CDH13: variants seen among roughly 807,000 people sequenced by gnomAD.
CDH13 encodes the protein cadherin 13.
CDH13 carries 24 observed loss-of-function variants against 63.8 expected under a neutral mutation model. The observed-to-expected ratio is 0.38, with a 90% confidence interval of 0.27 to 0.53. The LOEUF (loss-of-function observed/expected upper bound fraction) is 0.53. Among genes scored for constraint, CDH13 ranks in the 20% least tolerant of loss-of-function variants. CDH13 has a pLI of 0.85. For missense variants in CDH13, 1,049 were observed against 903.1 expected, an observed-to-expected ratio of 1.16 and a Z score of -2.07; for synonymous variants, 503 against 355.3, an observed-to-expected ratio of 1.42 and a Z score of -4.67.
chr16:83,426,726 A>G (rs568257955), intron 6 of CDH13, among the ~76,000 whole-genome samples: 25 of 152,000 alleles, frequency 1.6e-4, no homozygotes, highest in African/African-American at 4.6e-4. Flanking sequence ...GATAGTCCTC[A>G]TTCTCCCTAA....
intron 11 of CDH13, among the ~76,000 whole-genome samples, chr16:83,757,858 G>A (rs1428276410): frequency 2.0e-5 from 3 of 151,972 alleles, no homozygotes; most frequent in African/African-American, 7.2e-5. Context: ...GCTGGGCATG[G>A]TAGCTAATGC....
intron 5 of CDH13, among the ~76,000 whole-genome samples, chr16:83,261,908 A>G (rs1167410769): frequency 2.6e-5 from 4 of 152,134 alleles, no homozygotes; most frequent in Non-Finnish European, 5.9e-5. Flanking sequence ...TGAGCCTGAT[A>G]ACAAATGTGT....
chr16:83,140,670 G>T (rs1220439228), intron 4 of CDH13, among the ~76,000 whole-genome samples: 3 of 152,138 alleles, frequency 2.0e-5, no homozygotes, highest in African/African-American at 7.2e-5. Flanking sequence ...GGCCAGGCTT[G>T]TCTCGAACTC....
intron 6 of CDH13, among the ~76,000 whole-genome samples, chr16:83,485,238 G>T (rs1259487143): frequency 1.3e-5 from 2 of 152,190 alleles, no homozygotes; most frequent in Non-Finnish European, 2.9e-5. Flanking sequence ...ATCCCTTGCG[G>T]ACACGTGCAG....
chr16:82,858,381 C>T lies in CDH13; in HGVS notation c.65C>T (p.Ala22Val), dbSNP rs537331028. 7 of 1,612,864 alleles carry T rather than the reference C, an allele frequency of 4.3e-6. No homozygotes were observed. In the South Asian group the frequency reaches 4.4e-5, roughly 10 times the overall value. Residue 22 changes from alanine to valine, a missense_variant, in exon 2 of 14, where the codon GCA becomes GTA. By Grantham distance (64) the Ala-to-Val change is moderately conservative (BLOSUM62 0). Transcript: ENST00000567109. ...TCTCAGGTGCTGCTGCTAACATCTG[C>T]AGAAGATTTGGACTGCACTCCTGGA... is the stretch of plus-strand genomic sequence containing the variant. The part of the protein sequence containing the change: ...LLSQVLLLTS[A>V]EDLDCTPGFQ...
intron 1 of CDH13, among the ~76,000 whole-genome samples, chr16:82,802,449 G>T (rs1389919431): frequency 6.6e-6 from 1 of 152,154 alleles, no homozygotes; most frequent in Admixed American, 6.5e-5. Context: ...AGGACATTCA[G>T]TGATCTGTTG....
intron 5 of CDH13, among the ~76,000 whole-genome samples, chr16:83,241,876 G>C (rs1310425142): frequency 6.6e-6 from 1 of 152,138 alleles, no homozygotes; most frequent in Non-Finnish European, 1.5e-5. Flanking sequence ...TTTGTTGTCT[G>C]TGCTTTTTGT....
At chr16:83,076,454 C>T (rs941875284) in intron 3 of CDH13, among the ~76,000 whole-genome samples, 1 of 152,096 alleles carries the variant, frequency 6.6e-6, no homozygotes, top group Non-Finnish European at 1.5e-5. Context: ...ATTAAGGGAG[C>T]CTGTCCTGAC....
intron 2 of CDH13, among the ~76,000 whole-genome samples, chr16:82,919,556 C>G (rs1289144628): frequency 6.6e-6 from 1 of 152,220 alleles, no homozygotes; most frequent in African/African-American, 2.4e-5. Context: ...TTTTCTATGG[C>G]TGCATAATAC....
intron 5 of CDH13, among the ~76,000 whole-genome samples, chr16:83,264,125 T>C (rs754417346): frequency 6.6e-6 from 1 of 152,226 alleles, no homozygotes; most frequent in Non-Finnish European, 1.5e-5. Context: ...GCAACTGAAG[T>C]GAATCAGAGT....
chr16:82,727,309 C>T (rs763904115), intron 1 of CDH13, among the ~76,000 whole-genome samples: 48 of 152,118 alleles, frequency 3.2e-4, no homozygotes, highest in Admixed American at 6.6e-4. Flanking sequence ...TTATCCTCTC[C>T]CATTGCATTT....
chr16:83,398,716 T>C (rs1207935419), intron 6 of CDH13, among the ~76,000 whole-genome samples: 1 of 152,206 alleles, frequency 6.6e-6, no homozygotes, highest in African/African-American at 2.4e-5. Context: ...GAGGTTGGAA[T>C]ATGAGAGCTT....
At chr16:83,051,425 A>G (rs560905716) in intron 3 of CDH13, among the ~76,000 whole-genome samples, 1 of 152,342 alleles carries the variant, frequency 6.6e-6, no homozygotes, top group East Asian at 1.9e-4. Flanking sequence ...TTATGTAACA[A>G]TGTATATTTT....
chr16:83,602,130 A>C (rs1598354688), intron 7 of CDH13, among the ~76,000 whole-genome samples: 14 of 102,114 alleles, frequency 1.4e-4, no homozygotes, highest in East Asian at 5.0e-4. Context: ...AAAAAAAAAA[A>C]AAAAAAAAAA....
chr16:83,334,794 T>A (rs1450520060), intron 5 of CDH13, among the ~76,000 whole-genome samples: 3 of 152,168 alleles, frequency 2.0e-5, no homozygotes, highest in African/African-American at 7.2e-5. Context: ...TTTATCAGTA[T>A]GTCTTTGTTT....
intron 1 of CDH13, among the ~76,000 whole-genome samples, chr16:82,662,375 A>C (rs975946018): frequency 2.0e-5 from 3 of 152,226 alleles, no homozygotes; most frequent in Non-Finnish European, 4.4e-5. Context: ...GTATTGTCTG[A>C]ACATATTTCA....
chr16:83,078,442 G>A (rs1022716597), intron 3 of CDH13, among the ~76,000 whole-genome samples: 29 of 152,292 alleles, frequency 1.9e-4, no homozygotes, highest in Admixed American at 1.8e-3. Flanking sequence ...CGCATGTGAG[G>A]ATCACAATTG....
At chr16:83,552,430 C>T (rs536517067) in intron 7 of CDH13, among the ~76,000 whole-genome samples, 1 of 152,206 alleles carries the variant, frequency 6.6e-6, no homozygotes, top group Non-Finnish European at 1.5e-5. Context: ...TGCTCGTGCT[C>T]ACATGCTAAA....
At chr16:82,704,686 C>T (rs530838904) in intron 1 of CDH13, among the ~76,000 whole-genome samples, 1 of 152,288 alleles carries the variant, frequency 6.6e-6, no homozygotes, top group East Asian at 1.9e-4. Flanking sequence ...AAGCAGGGCT[C>T]AGTCATCAAG....
Sources: gnomAD v4.1 joint callset for allele counts (sites outside exome capture counted in the v4.1 genomes callset) on GRCh38, gnomAD v4.1.1 for gene constraint, MANE v1.5 for transcripts, NCBI Gene and HGNC (gene_info 2026-07-23, HGNC 2026-07-21) for gene names.